The following BEND6 variants were observed in gnomAD, a reference collection of about 807,000 sequenced individuals.
BEND6 encodes BEN domain-containing protein 6.
BEND6 carries 24 observed loss-of-function variants against 31.8 expected under a neutral mutation model. That is an observed-to-expected ratio of 0.75 (90% CI 0.55 to 1.06). BEND6 has a LOEUF of 1.06. BEND6 is among the 50% of genes least tolerant of loss of function. The pLI is 0.00. For missense variants in BEND6, 294 were observed against 327.4 expected (o/e 0.90, Z 0.79); for synonymous variants, 109 against 114.6 (o/e 0.95, Z 0.31).
chr6:57,009,033 TAA>T (rs1322127686), intron 3 of BEND6: 1 of 152,200 alleles, frequency 6.6e-6, no homozygotes, highest in Non-Finnish European at 1.5e-5. Flanking sequence ...AATAGAAAGT[TAA>T]ACACTGCATG....
chr6:57,015,197 TG>T lies in BEND6; in HGVS notation c.368del (p.Gly123GlufsTer39). 1 of 1,614,084 alleles carries T rather than the reference TG, an allele frequency of 6.2e-7. No individual in the cohort carries two copies. The highest frequency in any genetic ancestry group is 8.5e-7 in the Non-Finnish European group (1 of 1,180,018). ...VGMAEALLKG[G>X]GTMSTSASTL... ...GTATGGCCGAGGCTCTGCTTAAGGG[TG>T]GGGGAACCATGTCTACATCTGCATC... On this transcript the variant is annotated frameshift_variant, in exon 4 of 7. Transcript: ENST00000370746. LOFTEE classifies it high-confidence loss of function.
Position 57,015,842 on chromosome 6 carries a change from C to T in BEND6, c.519+489C>T, listed in dbSNP as rs6903789. 4.4e-3 allele frequency among the ~76,000 whole-genome samples: 659 copies of T among 149,850 alleles called. 4 individuals carry two copies. The highest frequency in any genetic ancestry group is 0.016 in the African/African-American group (631 of 40,698). ...AAAAAAAAAAAGAAGAGGCATAAGGCGCTTGACCTAGCCTGAGGAAAGGGA... is the reference window on the plus strand; with the variant it reads ...AAAAAAAAAAAGAAGAGGCATAAGGTGCTTGACCTAGCCTGAGGAAAGGGA... On this transcript the variant is annotated intron_variant, in intron 4 of 6. Coordinates refer to ENST00000370746, the MANE Select transcript of BEND6 (RefSeq NM_152731.3).
chr6:56,988,041 G>T (rs1826347381), intron 2 of BEND6, among the ~76,000 whole-genome samples: 2 of 143,396 alleles, frequency 1.4e-5, no homozygotes, highest in Admixed American at 7.5e-5. Flanking sequence ...TTTTGAGACA[G>T]AGTCTTGCTC....
At chr6:57,024,221 G>C (rs539388361) in intron 6 of BEND6, among the ~76,000 whole-genome samples, 1 of 152,274 alleles carries the variant, frequency 6.6e-6, no homozygotes, top group Non-Finnish European at 1.5e-5. Flanking sequence ...TTTGAGCTTT[G>C]TAGTGGTGTT....
intron 3 of BEND6, among the ~76,000 whole-genome samples, chr6:57,005,284 A>G (rs1202378877): frequency 1.3e-5 from 2 of 152,194 alleles, no homozygotes; most frequent in African/African-American, 2.4e-5. Flanking sequence ...CATTAATTAC[A>G]ATTATAAAAT....
intron 1 of BEND6, chr6:56,975,548 A>G (rs1839837): frequency 0.074 from 19,691 of 266,762 alleles, 1,031 homozygotes; most frequent in East Asian, 0.15. Flanking sequence ...TACAGCCTTT[A>G]AAACTTCATT....
At chr6:56,967,664 A>G (rs1825532911) in intron 1 of BEND6, among the ~76,000 whole-genome samples, 1 of 152,200 alleles carries the variant, frequency 6.6e-6, no homozygotes, top group Non-Finnish European at 1.5e-5. Context: ...AACACTGATG[A>G]ACAAGCCAAG....
intron 6 of BEND6, among the ~76,000 whole-genome samples, chr6:57,020,074 G>T (rs1827689582): frequency 6.6e-6 from 1 of 152,166 alleles, no homozygotes; most frequent in South Asian, 2.1e-4. Flanking sequence ...GGGGGACAGA[G>T]TGAGACCTTG....
At chr6:57,017,144 A>C in intron 4 of BEND6, 63 bp from the exon 5 acceptor site, 1 of 1,220,526 alleles carries the variant, frequency 8.2e-7, no homozygotes. Flanking sequence ...TAACTCAATT[A>C]GTAACATATT....
chr6:56,956,258 C>T (rs1260208737), intron 1 of BEND6, among the ~76,000 whole-genome samples: 2 of 152,174 alleles, frequency 1.3e-5, no homozygotes, highest in Non-Finnish European at 2.9e-5. Flanking sequence ...ATTTAATAGA[C>T]TGAAGAAATT....
chr6:56,984,716 C>T lies in BEND6; in HGVS notation c.120+2786C>T, dbSNP rs551825118. Among the ~76,000 whole-genome samples the T allele has an allele frequency of 7.9e-5, 12 of 152,262 alleles. No individual in the cohort carries two copies. The South Asian group carries it at 1.2e-3, about 16-fold the overall frequency. On this transcript the variant is annotated intron_variant, in intron 2 of 6. Transcript: ENST00000370746. ...GCATGAAAACTGTTCTCTTCAATTA[C>T]GGCATCTGTGTTCAGCCTCTTTTCT... is the stretch of plus-strand genomic sequence containing the variant.
chr6:56,968,022 G>A (rs1825546669), intron 1 of BEND6, among the ~76,000 whole-genome samples: 1 of 152,140 alleles, frequency 6.6e-6, no homozygotes, highest in African/African-American at 2.4e-5. Context: ...TGTTAGCTAT[G>A]TTTTTATTTT....
chr6:56,959,710 C>T (rs923705958), intron 1 of BEND6, among the ~76,000 whole-genome samples: 5 of 152,136 alleles, frequency 3.3e-5, no homozygotes, highest in African/African-American at 1.2e-4. Flanking sequence ...ATAATTGTAA[C>T]TTGCAGTAAT....
chr6:56,966,289 A>G (rs1825476026), intron 1 of BEND6, among the ~76,000 whole-genome samples: 1 of 152,158 alleles, frequency 6.6e-6, no homozygotes, highest in South Asian at 2.1e-4. Flanking sequence ...TTTAGTAGAG[A>G]TGAAGTTTCA....
chr6:56,963,723 C>T (rs1346150339), intron 1 of BEND6, among the ~76,000 whole-genome samples: 5 of 151,456 alleles, frequency 3.3e-5, no homozygotes, highest in Admixed American at 6.6e-5. Context: ...CCTACTCTCA[C>T]ATGTTTGACC....
intron 3 of BEND6, among the ~76,000 whole-genome samples, chr6:56,999,984 C>T (rs1330676617): frequency 6.6e-6 from 1 of 151,650 alleles, no homozygotes; most frequent in African/African-American, 2.4e-5. Context: ...CCTGGCCACC[C>T]ATCGTCTGGG....
intron 3 of BEND6, chr6:57,014,325 C>A: frequency 2.2e-6 from 1 of 449,802 alleles, no homozygotes. Context: ...CAATAATATG[C>A]TTAAGAAAAG....
At chr6:56,958,013 C>A (rs1825152784) in intron 1 of BEND6, among the ~76,000 whole-genome samples, 1 of 152,160 alleles carries the variant, frequency 6.6e-6, no homozygotes, top group South Asian at 2.1e-4. Flanking sequence ...ACTTGGCATG[C>A]TCACCCAGTC....
chr6:56,964,915 A>T (rs928992242), intron 1 of BEND6, among the ~76,000 whole-genome samples: 4 of 152,102 alleles, frequency 2.6e-5, no homozygotes, highest in Non-Finnish European at 4.4e-5. Flanking sequence ...GCTTAAAGAG[A>T]TTCATCCCAT....
Sources: allele counts gnomAD v4.1 joint callset (sites outside exome capture counted in the v4.1 genomes callset), GRCh38; gene constraint gnomAD v4.1.1; transcripts MANE v1.5; gene names NCBI Gene and HGNC (gene_info 2026-07-23, HGNC 2026-07-21).